The following GHR variants were observed in gnomAD, a reference collection of about 807,000 sequenced individuals.
The protein encoded by GHR is GH receptor.
Under a neutral mutation model 67.1 loss-of-function variants are expected in GHR, and 35 were observed. That is an observed-to-expected ratio of 0.52 (90% CI 0.40 to 0.69). GHR has a LOEUF of 0.69. Ranked by LOEUF, GHR falls within the 30% of genes least tolerant of loss-of-function variation. GHR has a pLI of 0.00. For synonymous variants in GHR, 272 were observed against 269.1 expected (o/e 1.01, Z -0.10); for missense variants, 792 against 764.6 (o/e 1.04, Z -0.42).
chr5:42,593,132 A>T (rs1246407856), intron 2 of GHR, among the ~76,000 whole-genome samples: 3 of 152,224 alleles, frequency 2.0e-5, no homozygotes, highest in Non-Finnish European at 2.9e-5. Context: ...GATTTTTTAA[A>T]AAACCTTATA....
At chr5:42,667,992 G>A (rs916707360) in intron 3 of GHR, among the ~76,000 whole-genome samples, 1 of 152,006 alleles carries the variant, frequency 6.6e-6, no homozygotes, top group African/African-American at 2.4e-5. Flanking sequence ...TTCTCTATCT[G>A]CTTATGTACG....
intron 3 of GHR, among the ~76,000 whole-genome samples, chr5:42,677,379 T>TA (rs1466261165): frequency 1.3e-5 from 2 of 152,214 alleles, no homozygotes; most frequent in East Asian, 3.8e-4. Flanking sequence ...TCTCTACCCT[T>TA]ACGAGTGTCA....
rs4591756 is a variant in GHR, at chr5:42,683,292, G to A, written c.137-5598G>A. ...TGGGATTACAGGCATGAGCCACCGC[G>A]CCCAGCCAGTTCCTCAAGGGTTTTT... On this transcript the variant is annotated intron_variant, in intron 3 of 9. Transcript: ENST00000230882. Among the ~76,000 whole-genome samples, 1,513 of 152,054 alleles carry A rather than the reference G, an allele frequency of 1.0e-2. 27 individuals carry two copies. Among genetic ancestry groups the A allele is most frequent in the African/African-American group, 0.034 (1,424 of 41,462 alleles).
intron 1 of GHR, among the ~76,000 whole-genome samples, chr5:42,462,136 A>G (rs756779809): frequency 6.6e-6 from 1 of 152,198 alleles, no homozygotes; most frequent in Non-Finnish European, 1.5e-5. Flanking sequence ...ACCCAGATAC[A>G]TTTCCAACCC....
intron 2 of GHR, among the ~76,000 whole-genome samples, chr5:42,591,619 T>C (rs1751780951): frequency 6.6e-6 from 1 of 151,986 alleles, no homozygotes; most frequent in Non-Finnish European, 1.5e-5. Context: ...CCTCCAAAGT[T>C]CTCTCTGTGA....
intron 2 of GHR, among the ~76,000 whole-genome samples, chr5:42,606,539 A>G (rs12109702): frequency 0.023 from 3,528 of 152,126 alleles, 138 homozygotes; most frequent in African/African-American, 0.081. Flanking sequence ...CTTTTCAACA[A>G]TCGGTTCTCT....
At chr5:42,622,431 A>G (rs1027758655) in intron 2 of GHR, among the ~76,000 whole-genome samples, 1 of 152,134 alleles carries the variant, frequency 6.6e-6, no homozygotes, top group Non-Finnish European at 1.5e-5. Context: ...TTTCCTAAAT[A>G]TATTTTGTGT....
intron 1 of GHR, among the ~76,000 whole-genome samples, chr5:42,477,010 C>A (rs896417263): frequency 1.3e-4 from 19 of 151,222 alleles, no homozygotes; most frequent in Non-Finnish European, 2.7e-4. Context: ...TTAGGTGTAT[C>A]TCCTAATGCT....
chr5:42,720,908 A>C lies in GHR; in HGVS notation c.*1484A>C, dbSNP rs1295814919. ...CATTTTGCAATCCCTTAATATCCTA[A>C]ACATCATTCATTTTTGTTGTTGTTG... On this transcript the variant is annotated 3_prime_UTR_variant, in exon 10 of 10. Transcript: ENST00000230882. 2 of 113,806 alleles carry C rather than the reference A, an allele frequency of 1.8e-5. No individual in the cohort carries two copies. Among genetic ancestry groups the C allele is most frequent in the Admixed American group, 1.0e-4 (1 of 10,050 alleles). The allele number at this position is 113,806 out of a possible 1,614,324, so 7.0% of individuals were successfully genotyped here. A position where few individuals can be genotyped will look rare whatever the true frequency, so the allele number is the denominator to read the frequency against.
intron 1 of GHR, among the ~76,000 whole-genome samples, chr5:42,553,490 G>C (rs999755609): frequency 6.6e-6 from 1 of 152,126 alleles, no homozygotes; most frequent in Non-Finnish European, 1.5e-5. Context: ...CCCTCTTCCA[G>C]CAACAGAAGA....
chr5:42,705,510 A>G (rs1373722435), intron 6 of GHR, among the ~76,000 whole-genome samples: 1 of 152,094 alleles, frequency 6.6e-6, no homozygotes, highest in Non-Finnish European at 1.5e-5. Flanking sequence ...ACCAGGTAAT[A>G]AGCATAGTAC....
intron 1 of GHR, chr5:42,467,803 A>G: frequency 7.0e-7 from 1 of 1,438,434 alleles, no homozygotes. Flanking sequence ...GCTACAATGT[A>G]AAAGACTTTC....
chr5:42,663,885 A>G (rs1755804154), intron 3 of GHR, among the ~76,000 whole-genome samples: 1 of 152,226 alleles, frequency 6.6e-6, no homozygotes, highest in Non-Finnish European at 1.5e-5. Context: ...CTGATAAACA[A>G]CTTCAGCAAA....
In GHR at chr5:42,534,182, G is replaced by GTA. The variant is rs1240481681; in HGVS notation, c.-11-31676_-11-31675dup. 2.4e-3 allele frequency among the ~76,000 whole-genome samples: 216 copies of GTA among 89,822 alleles called. 3 individuals carry two copies. Among genetic ancestry groups the GTA allele is most frequent in the African/African-American group, 5.4e-3 (107 of 19,866 alleles). The allele number at this position is 89,822 out of a possible 152,430, so 58.9% of individuals were successfully genotyped here. On this transcript the variant is annotated intron_variant, in intron 1 of 9. Transcript: ENST00000230882. ...TATATGTACATATGTATATATGTAT[G>GTA]TATATATGTACATGTGTATATATGT...
At chr5:42,558,939 A>G (rs1749454634) in intron 1 of GHR, among the ~76,000 whole-genome samples, 1 of 152,208 alleles carries the variant, frequency 6.6e-6, no homozygotes, top group South Asian at 2.1e-4. Flanking sequence ...GATATTTTGC[A>G]TCTTTTCTTC....
At chr5:42,544,042 G>A (rs943530418) in intron 1 of GHR, among the ~76,000 whole-genome samples, 8 of 152,106 alleles carry the variant, frequency 5.3e-5, no homozygotes, top group South Asian at 2.1e-4. Flanking sequence ...TAAGGTTAAC[G>A]TACCTTATCA....
intron 7 of GHR, among the ~76,000 whole-genome samples, chr5:42,711,826 A>C (rs1181533598): frequency 6.6e-6 from 1 of 152,148 alleles, no homozygotes; most frequent in Non-Finnish European, 1.5e-5. Flanking sequence ...CAGCATAGGT[A>C]GTCAACAGCA....
intron 2 of GHR, among the ~76,000 whole-genome samples, chr5:42,566,601 G>T (rs1312373091): frequency 2.0e-5 from 3 of 151,754 alleles, no homozygotes; most frequent in African/African-American, 7.3e-5. Context: ...ACAAGGAAGA[G>T]TAATAGAAGG....
intron 1 of GHR, among the ~76,000 whole-genome samples, chr5:42,451,121 T>C (rs1251630694): frequency 6.6e-6 from 1 of 152,226 alleles, no homozygotes; most frequent in Non-Finnish European, 1.5e-5. Context: ...AGGTAGACTG[T>C]TCTGTAAGTA....
Sources: allele counts gnomAD v4.1 joint callset (sites outside exome capture counted in the v4.1 genomes callset), GRCh38; gene constraint gnomAD v4.1.1; transcripts MANE v1.5; gene names NCBI Gene and HGNC (gene_info 2026-07-23, HGNC 2026-07-21).